Variants in CNTNAP5 observed in about 807,000 individuals in gnomAD.
The protein encoded by CNTNAP5 is contactin associated protein family member 5, also known as contactin-associated protein-like 5.
In CNTNAP5, 72 loss-of-function variants were observed where a neutral mutation model predicts 150.2. The observed-to-expected ratio is 0.48, with a 90% confidence interval of 0.40 to 0.58. The LOEUF is 0.58. CNTNAP5 is among the 20% of genes least tolerant of loss of function. The probability of loss-of-function intolerance (pLI) is 0.00; values close to 1 mark genes in which losing one functional copy is unlikely to be tolerated. For synonymous variants in CNTNAP5, 672 were observed against 619.8 expected, an observed-to-expected ratio of 1.08 and a Z score of -1.25; for missense variants, 1,636 against 1,626.2, an observed-to-expected ratio of 1.01 and a Z score of -0.10.
intron 12 of CNTNAP5, among the ~76,000 whole-genome samples, chr2:124,619,908 CAT>C (rs10540154): frequency 0.34 from 39,160 of 114,278 alleles, 7,292 homozygotes; most frequent in East Asian, 0.57. Flanking sequence ...CTGTCTCATT[CAT>C]ATATATATAT....
intron 11 of CNTNAP5, among the ~76,000 whole-genome samples, chr2:124,574,254 CA>C (rs1696227258): frequency 6.6e-6 from 1 of 152,112 alleles, no homozygotes; most frequent in Non-Finnish European, 1.5e-5. Flanking sequence ...TGACCTTAGG[CA>C]AGTCACTTAC....
chr2:124,244,083 A>T (rs1686951745), intron 3 of CNTNAP5, among the ~76,000 whole-genome samples: 1 of 151,892 alleles, frequency 6.6e-6, no homozygotes, highest in Admixed American at 6.6e-5. Flanking sequence ...ATTGTGCCTA[A>T]TTTTTTTGTT....
rs1679667811 is a variant in CNTNAP5, at chr2:124,706,895, A to AAGAAGGAGAAGGAGAAGAGGAAGAGGT, written c.2078-40329_2078-40328insGAGAAGGAGAAGAGGAAGAGGTAGAAG. 2.0e-5 allele frequency among the ~76,000 whole-genome samples: 2 copies of AAGAAGGAGAAGGAGAAGAGGAAGAGGT among 99,912 alleles called. 1 individual carries two copies. Among genetic ancestry groups the AAGAAGGAGAAGGAGAAGAGGAAGAGGT allele is most frequent in the African/African-American group, 8.6e-5 (2 of 23,232 alleles). 65.5% of individuals were successfully genotyped at this position (99,912 alleles called of 152,430 possible). A position where few individuals can be genotyped will look rare whatever the true frequency, so the allele number is the denominator to read the frequency against. On this transcript the variant is annotated intron_variant, in intron 13 of 23. Transcript: ENST00000682447. Reference sequence around the variant, plus strand: ...GAAAGGGAAGAAGAAGAGGAAGAGGAAGAAGAAGGAGGAGGAGGAGGAGAA... The same window carrying AAGAAGGAGAAGGAGAAGAGGAAGAGGT: ...GAAAGGGAAGAAGAAGAGGAAGAGGAAGAAGGAGAAGGAGAAGAGGAAGAGGTAGAAGAAGGAGGAGGAGGAGGAGAA...
intron 1 of CNTNAP5, among the ~76,000 whole-genome samples, chr2:124,106,205 G>A (rs565487232): frequency 6.6e-6 from 1 of 152,260 alleles, no homozygotes; most frequent in South Asian, 2.1e-4. Flanking sequence ...AACCACTTGT[G>A]ATAAAAAATT....
chr2:124,913,500 G>A (rs1678698740), intron 23 of CNTNAP5, among the ~76,000 whole-genome samples: 2 of 152,056 alleles, frequency 1.3e-5, no homozygotes, highest in South Asian at 2.1e-4. Flanking sequence ...AAGAACAGAG[G>A]CATCTTGTCA....
rs753777888 is a variant in CNTNAP5, at chr2:124,772,840, C to T, written c.2575C>T (p.Pro859Ser). 1.2e-6 allele frequency: 2 copies of T among 1,613,736 alleles called. No homozygotes were observed. Among genetic ancestry groups the T allele is most frequent in the East Asian group, 4.5e-5 (2 of 44,848 alleles). The change falls in exon 17 of 24, where the codon CCT becomes TCT. Residue 859 changes from proline (P) to serine (S), a missense_variant. By Grantham distance (74) the Pro-to-Ser change is moderately conservative (BLOSUM62 -1). Transcript: ENST00000682447. ...CTTTGCCATCGATGTTGGGAATGGT[C>T]CTGTGGAGCTTGTAGTCCAGTCTCC... ...ITFAIDVGNG[P>S]VELVVQSPSL...
intron 6 of CNTNAP5, among the ~76,000 whole-genome samples, chr2:124,459,760 A>C: frequency 6.7e-5 from 1 of 14,892 alleles, no homozygotes; most frequent in African/African-American, 3.6e-4. Flanking sequence ...TTCCTCTGTA[A>C]AAAAAAAAAA....
chr2:124,302,048 G>T (rs764047288), intron 3 of CNTNAP5, among the ~76,000 whole-genome samples: 3 of 152,146 alleles, frequency 2.0e-5, no homozygotes, highest in South Asian at 2.1e-4. Context: ...ATACACAGAG[G>T]AAAGGCCTTG....
At chr2:124,304,523 G>T (rs1304190166) in intron 3 of CNTNAP5, among the ~76,000 whole-genome samples, 1 of 148,056 alleles carries the variant, frequency 6.8e-6, no homozygotes, top group Non-Finnish European at 1.5e-5. Flanking sequence ...TAAGTAATTA[G>T]TTACTTAGAG....
At chr2:124,726,601 T>C (rs1300346896) in intron 13 of CNTNAP5, among the ~76,000 whole-genome samples, 1 of 152,080 alleles carries the variant, frequency 6.6e-6, no homozygotes, top group Non-Finnish European at 1.5e-5. Flanking sequence ...TGATTTTGAA[T>C]AGCTTTTCAT....
chr2:124,085,370 T>G (rs1194431204), intron 1 of CNTNAP5, among the ~76,000 whole-genome samples: 15 of 152,200 alleles, frequency 9.9e-5, no homozygotes, highest in Admixed American at 9.8e-4. Context: ...TTATTATCAT[T>G]TTGATGCCCG....
intron 13 of CNTNAP5, among the ~76,000 whole-genome samples, chr2:124,687,734 C>T (rs1254244064): frequency 6.6e-6 from 1 of 151,656 alleles, no homozygotes; most frequent in Non-Finnish European, 1.5e-5. Context: ...TTAGAACATA[C>T]TTTCTCTCAG....
chr2:124,628,617 G>C (rs1272351370), intron 12 of CNTNAP5, among the ~76,000 whole-genome samples: 1 of 152,116 alleles, frequency 6.6e-6, no homozygotes, highest in Non-Finnish European at 1.5e-5. Flanking sequence ...AAAACACACT[G>C]AAGTACACAG....
chr2:124,050,473 TAAA>T, intron 1 of CNTNAP5, among the ~76,000 whole-genome samples: 1 of 151,824 alleles, frequency 6.6e-6, no homozygotes, highest in Admixed American at 6.6e-5. Context: ...CAAAAAATAA[TAAA>T]AAAAGAATAA....
At chr2:124,736,930 A>G (rs373388307) in intron 13 of CNTNAP5, among the ~76,000 whole-genome samples, 5 of 152,108 alleles carry the variant, frequency 3.3e-5, no homozygotes, top group Middle Eastern at 3.2e-3. Context: ...CCTAATTCCA[A>G]TGGGGAATAC....
intron 16 of CNTNAP5, among the ~76,000 whole-genome samples, chr2:124,768,818 C>T (rs1397304839): frequency 1.3e-5 from 2 of 152,164 alleles, no homozygotes; most frequent in Non-Finnish European, 2.9e-5. Context: ...GGTTTTGAGG[C>T]ACAGGACATA....
chr2:124,222,367 ATGT>A (rs145016367), intron 2 of CNTNAP5, among the ~76,000 whole-genome samples: 3,492 of 152,140 alleles, frequency 0.023, 129 homozygotes, highest in African/African-American at 0.078. Flanking sequence ...CTCATATGAA[ATGT>A]TGTTAACAAA....
intron 21 of CNTNAP5, among the ~76,000 whole-genome samples, chr2:124,901,632 T>C (rs1678415742): frequency 6.6e-6 from 1 of 152,150 alleles, no homozygotes; most frequent in African/African-American, 2.4e-5. Context: ...ATGGCAGACT[T>C]CAAACACACA....
chr2:124,646,670 A>G lies in CNTNAP5; in HGVS notation c.1877-1088A>G, dbSNP rs141039548. On this transcript the variant is annotated intron_variant, in intron 12 of 23. Coordinates refer to ENST00000682447, the MANE Select transcript of CNTNAP5 (RefSeq NM_001367498.1). ...GTTTTAGCCTAGGTTATTACTACAG[A>G]GTGTCTGATACATCCCAGATAGAGC... 6.7e-3 allele frequency among the ~76,000 whole-genome samples: 1,028 copies of G among 152,300 alleles called. 16 individuals carry two copies. The highest frequency in any genetic ancestry group is 0.024 in the African/African-American group (994 of 41,548).
Sources: gnomAD v4.1 joint callset for allele counts (sites outside exome capture counted in the v4.1 genomes callset) on GRCh38, gnomAD v4.1.1 for gene constraint, MANE v1.5 for transcripts, NCBI Gene and HGNC (gene_info 2026-07-23, HGNC 2026-07-21) for gene names.